Variants in NVL observed in about 807,000 individuals in gnomAD.
NVL encodes nuclear VCP like, also known as nuclear valosin-containing protein-like.
NVL carries 84 observed loss-of-function variants against 110.2 expected under a neutral mutation model. The ratio of observed to expected loss-of-function variants is 0.76; its 90% CI spans 0.64 to 0.91. The LOEUF is 0.91. Ranked by LOEUF, NVL falls within the 40% of genes least tolerant of loss-of-function variation. The pLI is 0.00. For synonymous variants in NVL, 354 were observed against 361.1 expected (o/e 0.98, Z 0.22); for missense variants, 882 against 1,035.9 (o/e 0.85, Z 2.04).
At chr1:224,286,632 T>C (rs566335466) in intron 14 of NVL, among the ~76,000 whole-genome samples, 1 of 152,350 alleles carries the variant, frequency 6.6e-6, no homozygotes, top group Admixed American at 6.5e-5. Context: ...TTGAACATAA[T>C]GTCTAAGAAC....
In NVL at chr1:224,294,456, T is replaced by C; in HGVS notation, c.1181-45A>G. The C allele has an allele frequency of 1.9e-6, 3 of 1,590,738 alleles. No homozygotes were observed. In the South Asian group the frequency reaches 3.3e-5, roughly 18 times the overall value. ...GAGTAGTGAACAAAGCACTTGACAC[T>C]GACGGCAATAATGGTTACAGAATCA... On this transcript the variant is annotated intron_variant, in intron 11 of 22. Transcript: ENST00000281701.
intron 2 of NVL, among the ~76,000 whole-genome samples, chr1:224,324,506 G>A (rs565103075): frequency 7.2e-5 from 11 of 152,274 alleles, no homozygotes; most frequent in Middle Eastern, 3.4e-3. Context: ...ATAGCTCACT[G>A]CAACCTTGAA....
rs774683945 is a variant in NVL at position 224,281,277 on chromosome 1, C to CTGTGTGTGTGTG, written c.1900-93_1900-92insCACACACACACA. 5,064 of 836,732 alleles carry CTGTGTGTGTGTG rather than the reference C, an allele frequency of 6.1e-3. 36 individuals carry two copies. Among genetic ancestry groups the CTGTGTGTGTGTG allele is most frequent in the Non-Finnish European group, 7.2e-3 (3,788 of 529,014 alleles). 51.8% of individuals were successfully genotyped at this position (836,732 alleles called of 1,614,324 possible). ...GATGATGTGTGACAATGAAAGGACTCTGTGTGCGTGTGTGTGTGTGTGTGT... is the reference window on the plus strand; with the variant it reads ...GATGATGTGTGACAATGAAAGGACTCTGTGTGTGTGTGTGTGTGCGTGTGTGTGTGTGTGTGT... On this transcript the variant is annotated intron_variant, in intron 15 of 22. Coordinates refer to ENST00000281701, the MANE Select transcript of NVL (RefSeq NM_002533.4).
chr1:224,295,197 CT>C (rs796791561), intron 11 of NVL, among the ~76,000 whole-genome samples: 240 of 144,262 alleles, frequency 1.7e-3, no homozygotes, highest in Admixed American at 1.5e-3. Flanking sequence ...ACAGTGTGTT[CT>C]TTTTTTTTTT....
At chr1:224,293,840 GCCTC>G (rs1667610932) in intron 12 of NVL, among the ~76,000 whole-genome samples, 1 of 152,162 alleles carries the variant, frequency 6.6e-6, no homozygotes, top group Admixed American at 6.5e-5. Context: ...CAGAGGTGGG[GCCTC>G]CCTCTGTCAC....
chr1:224,252,849 TCCTGCCCTTA>T (rs1460621946), intron 18 of NVL, among the ~76,000 whole-genome samples: 1 of 152,232 alleles, frequency 6.6e-6, no homozygotes, highest in East Asian at 1.9e-4. Flanking sequence ...AACCTTTCTC[TCCTGCCCTTA>T]CCTGCTCTCC....
intron 18 of NVL, among the ~76,000 whole-genome samples, chr1:224,267,023 C>CA (rs1558278273): frequency 6.6e-6 from 1 of 152,190 alleles, no homozygotes. Context: ...CATAGATCTT[C>CA]AAAAATCCTT....
At chr1:224,236,439 C>A (rs1384893643) in intron 20 of NVL, 67 bp downstream of exon 20, 1 of 1,180,578 alleles carries the variant, frequency 8.5e-7, no homozygotes, top group Non-Finnish European at 1.3e-6. Flanking sequence ...AGCATCATCA[C>A]CCCTCATTTT....
chr1:224,286,078 G>C lies in NVL; in HGVS notation c.1847C>G (p.Ala616Gly). 1 of 1,614,172 alleles carries C rather than the reference G, an allele frequency of 6.2e-7. No homozygotes were observed. The highest frequency in any genetic ancestry group is 1.1e-5 in the South Asian group (1 of 91,088). Residue 616 changes from alanine to glycine, a missense_variant, in exon 15 of 23, where the codon GCT becomes GGT. Transcript: ENST00000281701. ...QFKALGLVTP[A>G]GVLLAGPPGC... The stretch of plus-strand genomic sequence containing the variant: ...AGGAGGACCAGCAAGGAGGACCCCA[G>C]CTGGAGTCACCAATCCAAGAGCTTT...
rs1180654316 is a variant in NVL at position 224,323,421 on chromosome 1, G to GT, written c.131+2969dup. 2.0e-5 allele frequency among the ~76,000 whole-genome samples: 3 copies of GT among 152,176 alleles called. No individual in the cohort carries two copies. The East Asian group carries it at 5.8e-4, about 29-fold the overall frequency. On this transcript the variant is annotated intron_variant, in intron 2 of 22. Coordinates refer to ENST00000281701, the MANE Select transcript of NVL (RefSeq NM_002533.4). ...ATAATCTAAAGAGAACATCAAGGGT[G>GT]TGGGGGGACAACAATTTGCTAAAGC...
intron 4 of NVL, among the ~76,000 whole-genome samples, chr1:224,316,077 G>A (rs1198477882): frequency 6.6e-6 from 1 of 151,974 alleles, no homozygotes; most frequent in Admixed American, 6.6e-5. Flanking sequence ...CACCCGTATG[G>A]GAGAATCGCC....
In NVL at chr1:224,275,349, G is replaced by A; in HGVS notation, c.2072C>T (p.Ser691Leu). ...DEVDALCPRR[S>L]DRETGASVRV... ...GTCCATGATACTTACCTCTCGGTCT[G>A]ATCTTCGAGGACATAAAGCATCCAC... Residue 691 changes from serine (S) to leucine (L), a missense_variant, in exon 17 of 23, where the codon TCA becomes TTA. Transcript: ENST00000281701. 6.2e-7 allele frequency: 1 copy of A among 1,614,142 alleles called. No homozygotes were observed. The highest frequency in any genetic ancestry group is 8.5e-7 in the Non-Finnish European group (1 of 1,180,002).
chr1:224,296,486 T>C lies in NVL; in HGVS notation c.1180+15A>G, dbSNP rs770672899. On this transcript the variant is annotated intron_variant, in intron 11 of 22. Coordinates refer to ENST00000281701, the MANE Select transcript of NVL (RefSeq NM_002533.4). ...AATTTATTCTCTTAAAATGAATTTA[T>C]TATTTTAAACTAACCATCCATGCAG... The C allele has an allele frequency of 9.1e-6, 12 of 1,320,490 alleles. No homozygotes were observed. In the South Asian group the frequency reaches 1.6e-4, roughly 17 times the overall value. The allele number at this position is 1,320,490 out of a possible 1,614,324, so 81.8% of individuals were successfully genotyped here.
chr1:224,255,027 A>G (rs1178104762), intron 18 of NVL, among the ~76,000 whole-genome samples: 4 of 149,246 alleles, frequency 2.7e-5, no homozygotes, highest in Non-Finnish European at 5.9e-5. Flanking sequence ...ATGCACCACC[A>G]CACTCAGCTA....
chr1:224,258,875 A>G (rs1018922945), intron 18 of NVL, among the ~76,000 whole-genome samples: 1 of 151,726 alleles, frequency 6.6e-6, no homozygotes, highest in Non-Finnish European at 1.5e-5. Context: ...GCCAGTAGCG[A>G]CACATGCCTA....
At chr1:224,320,219 C>T (rs911889928) in intron 2 of NVL, among the ~76,000 whole-genome samples, 1 of 152,084 alleles carries the variant, frequency 6.6e-6, no homozygotes, top group Non-Finnish European at 1.5e-5. Context: ...ATTACATTTT[C>T]TGGTTTTAAT....
At chr1:224,275,171 T>C (rs1665629737) in intron 17 of NVL, among the ~76,000 whole-genome samples, 168 bp downstream of exon 17, 1 of 152,210 alleles carries the variant, frequency 6.6e-6, no homozygotes, top group African/African-American at 2.4e-5. Flanking sequence ...CAGAGGCGGA[T>C]ACAGAATACA....
rs1275453259 is a variant in NVL at position 224,300,649 on chromosome 1, T to C, written c.975A>G (p.Pro325=). The C allele has an allele frequency of 6.2e-7, 1 of 1,613,704 alleles. No homozygotes were observed. Among genetic ancestry groups the C allele is most frequent in the African/African-American group, 1.3e-5 (1 of 74,920 alleles). The change falls in exon 10 of 23, where the codon CCA becomes CCG. Residue 325 remains proline, a synonymous_variant. Transcript: ENST00000281701. ...TCTCTGGAGCAGCCACTTTCAAAAT[T>C]GGCAGGTCAAGTTCCTATGCAGACA... ...AHAIAGELDL[P]ILKVAAPEIV... is the part of the protein sequence containing the mutation.
chr1:224,292,647 C>A (rs755296019), intron 12 of NVL, among the ~76,000 whole-genome samples: 1 of 152,126 alleles, frequency 6.6e-6, no homozygotes, highest in African/African-American at 2.4e-5. Flanking sequence ...ATCTCACATG[C>A]GGCACTCTGC....
Sources: allele counts gnomAD v4.1 joint callset (sites outside exome capture counted in the v4.1 genomes callset), GRCh38; gene constraint gnomAD v4.1.1; transcripts MANE v1.5; gene names NCBI Gene and HGNC (gene_info 2026-07-23, HGNC 2026-07-21).